VEGFA: variants seen among roughly 807,000 people sequenced by gnomAD.
The protein encoded by VEGFA is vascular endothelial growth factor A, long form.
A neutral mutation model predicts 49.7 loss-of-function variants in VEGFA; 20 were observed. That is an observed-to-expected ratio of 0.40 (90% CI 0.28 to 0.58). VEGFA has a LOEUF of 0.58. Ranked by LOEUF, VEGFA falls within the 20% of genes least tolerant of loss-of-function variation. The pLI is 0.40. For synonymous variants in VEGFA, 219 were observed against 223.4 expected, an observed-to-expected ratio of 0.98 and a Z score of 0.18; for missense variants, 505 against 553.5, an observed-to-expected ratio of 0.91 and a Z score of 0.88.
intron 2 of VEGFA, chr6:43,774,768 A>G (rs1012772338): frequency 1.6e-5 from 6 of 372,016 alleles, no homozygotes; most frequent in African/African-American, 4.1e-5. Context: ...CTATATAGAC[A>G]TGTCCCATTT....
At chr6:43,780,233 G>GGT (rs139809493) in intron 5 of VEGFA, 122,126 of 226,732 alleles carry the variant, frequency 0.54, 33,939 homozygotes, top group Non-Finnish European at 0.58. Flanking sequence ...GAAGGCACAA[G>GGT]GCCTGATACA....
In VEGFA at chr6:43,771,212, C is replaced by T. The variant is rs756935833; in HGVS notation, c.506C>T (p.Ala169Val). The change falls in exon 1 of 8, where the codon GCG (alanine) becomes GTG (valine). Residue 169 changes from alanine to valine, a missense_variant. By Grantham distance (64) the Ala-to-Val change is moderately conservative. Around this residue, in one of 2 missense-constraint regions of VEGFA, gnomAD observed 340 missense variants for 321.8 expected, o/e 1.06. Transcript: ENST00000672860. The stretch of plus-strand genomic sequence containing the variant: ...CACAGCCCGAGCCGGAGAGGGAGCG[C>T]GAGCCGCGCCGGCCCCGGTCGGGCC... 3 of 1,601,876 alleles carry T rather than the reference C, an allele frequency of 1.9e-6. No individual in the cohort carries two copies. In the East Asian group the frequency reaches 6.8e-5, roughly 37 times the overall value.
At chr6:43,780,890 C>T in intron 6 of VEGFA, 87 bp downstream of exon 6, 2 of 1,610,762 alleles carry the variant, frequency 1.2e-6, no homozygotes, top group Non-Finnish European at 1.7e-6. Flanking sequence ...GTAACCCTGC[C>T]TCCCTCCCCT....
intron 7 of VEGFA, chr6:43,783,366 G>A (rs1460695808): frequency 6.6e-6 from 1 of 152,416 alleles, no homozygotes; most frequent in Non-Finnish European, 1.5e-5. Flanking sequence ...GTGTGCTCAG[G>A]GGATGCTGGG....
At chr6:43,771,560 G>A (rs1023871466) in intron 1 of VEGFA, among the ~76,000 whole-genome samples, 1 of 152,194 alleles carries the variant, frequency 6.6e-6, no homozygotes, top group South Asian at 2.1e-4. Context: ...CCGCACGTAC[G>A]ATCTGGGCCG....
intron 5 of VEGFA, chr6:43,779,350 C>T: frequency 2.8e-6 from 1 of 355,974 alleles, no homozygotes; most frequent in Non-Finnish European, 5.3e-6. Flanking sequence ...GGATGCGAGG[C>T]CGGCTGGAGG....
At position 43,777,313 on chromosome 6, in the gene VEGFA, T is replaced by C. The variant is rs1335183723; in HGVS notation, c.659-156T>C. The C allele has an allele frequency of 1.3e-6, 1 of 775,592 alleles. No individual in the cohort carries two copies. The highest frequency in any genetic ancestry group is 2.0e-5 in the Admixed American group (1 of 49,808). The allele number at this position is 775,592 out of a possible 1,614,324, so 48.0% of individuals were successfully genotyped here. A position where few individuals can be genotyped will look rare whatever the true frequency, so the allele number is the denominator to read the frequency against. ...GTTGATGGTGGAAAGCTTAGGGAAG[T>C]GCTTCAAACACAGTAGGAGGGACTT... On this transcript the variant is annotated intron_variant, in intron 2 of 7. Coordinates refer to ENST00000672860, the MANE Select transcript of VEGFA (RefSeq NM_003376.6). This position sits in a 1 kb window ranked among gnomAD's most constrained non-coding sequence, Gnocchi z 4.3.
In VEGFA at chr6:43,780,786, G is replaced by A. The variant is rs1767341454; in HGVS notation, c.1017G>A (p.Arg339=). The stretch of plus-strand genomic sequence containing the variant: ...AAAAACGAAAGCGCAAGAAATCCCG[G>A]TATAAGTCCTGGAGCGTGTACGTTG... The change falls in exon 6 of 8, where the codon CGG becomes CGA. Residue 339 remains arginine (R), a synonymous_variant. Coordinates refer to ENST00000672860, the MANE Select transcript of VEGFA (RefSeq NM_003376.6). The A allele has an allele frequency of 1.2e-6, 2 of 1,614,000 alleles. No homozygotes were observed. The highest frequency in any genetic ancestry group is 1.3e-5 in the African/African-American group (1 of 74,956).
At chr6:43,771,442 C>A in intron 1 of VEGFA, 130 bp downstream of exon 1, 1 of 958,148 alleles carries the variant, frequency 1.0e-6, no homozygotes, top group South Asian at 1.9e-5. Flanking sequence ...CGTGCGGCGT[C>A]CCCCTCTGTC....
At chr6:43,778,952 C>A (rs758065294) in intron 5 of VEGFA, 34 bp downstream of exon 5, 1 of 1,614,096 alleles carries the variant, frequency 6.2e-7, no homozygotes, top group South Asian at 1.1e-5. Flanking sequence ...TTCTCCCTCT[C>A]CATGGCCGGT....
Position 43,771,312 on chromosome 6 carries a change from G to A in VEGFA, c.606G>A (p.Lys202=), listed in dbSNP as rs2127997415. Reference sequence around the variant, plus strand: ...TGCTGCTCTACCTCCACCATGCCAAGGTAAGCGGTCGTGCCCTGCTGGCGC... The same window carrying A: ...TGCTGCTCTACCTCCACCATGCCAAAGTAAGCGGTCGTGCCCTGCTGGCGC... Residue 202 remains lysine (K), a splice_region_variant and synonymous_variant, in exon 1 of 8, where the codon AAG becomes AAA. Transcript: ENST00000672860. 2 of 1,602,336 alleles carry A rather than the reference G, an allele frequency of 1.2e-6. No homozygotes were observed. Among genetic ancestry groups the A allele is most frequent in the Non-Finnish European group, 1.7e-6 (2 of 1,175,832 alleles).
intron 4 of VEGFA, 110 bp downstream of exon 4, chr6:43,778,646 T>C: frequency 8.2e-7 from 1 of 1,225,286 alleles, no homozygotes; most frequent in Non-Finnish European, 1.2e-6. Context: ...TCCCGCTATG[T>C]GACCTTTGGC....
chr6:43,784,922 A>T lies in VEGFA; in HGVS notation c.*360A>T, dbSNP rs567722917. On this transcript the variant is annotated 3_prime_UTR_variant, in exon 8 of 8. Coordinates refer to ENST00000672860, the MANE Select transcript of VEGFA (RefSeq NM_003376.6). ...CACACCCACCCACATACATACATTTATATATATATATATTATATATATATA... is the reference window on the plus strand; with the variant it reads ...CACACCCACCCACATACATACATTTTTATATATATATATTATATATATATA... 36 of 179,248 alleles carry T rather than the reference A, an allele frequency of 2.0e-4. No individual in the cohort carries two copies. Among genetic ancestry groups the T allele is most frequent in the East Asian group, 1.1e-3 (11 of 9,730 alleles). The allele number at this position is 179,248 out of a possible 1,614,324, so 11.1% of individuals were successfully genotyped here.
chr6:43,770,439 C>T lies in VEGFA; in HGVS notation c.-268C>T, dbSNP rs1415679067. On this transcript the variant is annotated 5_prime_UTR_variant, in exon 1 of 8. Transcript: ENST00000672860. ...TCTCGTTTTAATTTATTTTTGCTTG[C>T]CATTCCCCACTTGAATCGGGCCGAC... 8.0e-6 allele frequency: 4 copies of T among 498,522 alleles called. No homozygotes were observed. In the East Asian group the frequency reaches 1.4e-4, roughly 18 times the overall value. The allele number at this position is 498,522 out of a possible 1,614,324, so 30.9% of individuals were successfully genotyped here. A position where few individuals can be genotyped will look rare whatever the true frequency, so the allele number is the denominator to read the frequency against.
chr6:43,780,974 G>A lies in VEGFA; in HGVS notation c.1034+171G>A, dbSNP rs1022837279. The A allele has an allele frequency of 2.6e-5, 39 of 1,523,936 alleles. 1 individual carries two copies. The highest frequency in any genetic ancestry group is 1.4e-4 in the South Asian group (12 of 87,908). The allele number at this position is 1,523,936 out of a possible 1,614,324, so 94.4% of individuals were successfully genotyped here. A position where few individuals can be genotyped will look rare whatever the true frequency, so the allele number is the denominator to read the frequency against. ...TCTCACTCCACTAATTGGCACCAACGGGTAGATTTGGTGGTGGCATTGCTG... is the reference window on the plus strand; with the variant it reads ...TCTCACTCCACTAATTGGCACCAACAGGTAGATTTGGTGGTGGCATTGCTG... On this transcript the variant is annotated intron_variant, in intron 6 of 7. Transcript: ENST00000672860.
chr6:43,778,123 A>G (rs184083669), intron 3 of VEGFA: 3 of 477,548 alleles, frequency 6.3e-6, no homozygotes, highest in East Asian at 3.9e-5. Flanking sequence ...GCTTTCGGGT[A>G]TCTACTAGGA....
intron 6 of VEGFA, chr6:43,781,364 C>A: frequency 3.9e-6 from 1 of 258,892 alleles, no homozygotes; most frequent in East Asian, 1.0e-4. Context: ...GGAGGGGAGC[C>A]CCCTATTCCG....
chr6:43,772,008 G>A, intron 1 of VEGFA: 16 of 985,326 alleles, frequency 1.6e-5, no homozygotes, highest in Non-Finnish European at 1.8e-5. Context: ...CCGGCCGCGT[G>A]TTCCCGGAGC....
At chr6:43,782,146 G>GAGAGAGAA in intron 7 of VEGFA, 59 bp downstream of exon 7, 1 of 1,604,126 alleles carries the variant, frequency 6.2e-7, no homozygotes, top group Non-Finnish European at 8.5e-7. Context: ...TGGGGAGAGA[G>GAGAGAGAA]AGAGAGAAAG....
Sources: allele counts gnomAD v4.1 joint callset (sites outside exome capture counted in the v4.1 genomes callset), GRCh38; gene constraint gnomAD v4.1.1; regional missense constraint gnomAD v4.1.1; non-coding constraint Gnocchi (gnomAD v3.1); transcripts MANE v1.5; gene names NCBI Gene and HGNC (gene_info 2026-07-23, HGNC 2026-07-21).